The following SUGCT variants were observed in gnomAD, a reference collection of about 807,000 sequenced individuals.
SUGCT encodes the protein succinyl-CoA:glutarate-CoA transferase.
Under a neutral mutation model 55.0 loss-of-function variants are expected in SUGCT, and 41 were observed. That is an observed-to-expected ratio of 0.74 (90% CI 0.58 to 0.97). SUGCT has a LOEUF of 0.97. SUGCT is among the 50% of genes least tolerant of loss of function. SUGCT has a pLI of 0.00. For missense variants in SUGCT, 568 were observed against 547.8 expected (o/e 1.04, Z -0.37); for synonymous variants, 187 against 200.4 (o/e 0.93, Z 0.56).
the SUGCT span, among the ~76,000 whole-genome samples, chr7:40,885,859 G>T: frequency 6.6e-6 from 1 of 152,306 alleles, no homozygotes; most frequent in African/African-American, 2.4e-5. Flanking sequence ...GGGTGGGGAT[G>T]AGAATTTAAG....
At chr7:40,371,744 A>G (rs1319323987) in intron 9 of SUGCT, among the ~76,000 whole-genome samples, 1 of 152,072 alleles carries the variant, frequency 6.6e-6, no homozygotes, top group Non-Finnish European at 1.5e-5. Flanking sequence ...TCACTGTTCA[A>G]TTAGAATTAA....
At chr7:40,947,577 A>G in the SUGCT span, among the ~76,000 whole-genome samples, 2 of 151,994 alleles carry the variant, frequency 1.3e-5, no homozygotes, top group African/African-American at 4.8e-5. Flanking sequence ...ATAATACAGT[A>G]TAGCAATTCT....
intron 12 of SUGCT, among the ~76,000 whole-genome samples, chr7:40,587,146 G>A (rs955752534): frequency 6.6e-6 from 1 of 152,226 alleles, no homozygotes; most frequent in African/African-American, 2.4e-5. Context: ...GTGAAAGGCA[G>A]GGATTAACTA....
chr7:40,757,172 T>C (rs1350415904), intron 13 of SUGCT, among the ~76,000 whole-genome samples: 3 of 152,072 alleles, frequency 2.0e-5, no homozygotes, highest in African/African-American at 7.3e-5. Flanking sequence ...GAGAAATGAA[T>C]AGCACAGTGA....
intron 3 of SUGCT, among the ~76,000 whole-genome samples, chr7:40,187,469 A>C (rs1048415171): frequency 1.3e-5 from 2 of 152,158 alleles, no homozygotes; most frequent in Admixed American, 6.6e-5. Context: ...GGGTCAAATA[A>C]AACATGTCTC....
intron 8 of SUGCT, among the ~76,000 whole-genome samples, chr7:40,296,716 G>C (rs1403283414): frequency 6.6e-6 from 1 of 150,596 alleles, no homozygotes; most frequent in Non-Finnish European, 1.5e-5. Flanking sequence ...TTCCTGTATA[G>C]GCCTCTAGGG....
chr7:40,680,636 A>G (rs552496051), intron 12 of SUGCT, among the ~76,000 whole-genome samples: 1 of 152,320 alleles, frequency 6.6e-6, no homozygotes, highest in South Asian at 2.1e-4. Context: ...ACAGGAGGAA[A>G]AAAATCTCAT....
intron 13 of SUGCT, among the ~76,000 whole-genome samples, chr7:40,847,561 C>T (rs952084728): frequency 1.3e-4 from 20 of 151,786 alleles, no homozygotes; most frequent in African/African-American, 4.4e-4. Flanking sequence ...GCATTATAGG[C>T]GTGCATCACC....
At chr7:40,457,368 C>T (rs530201148) in intron 10 of SUGCT, among the ~76,000 whole-genome samples, 268 of 152,112 alleles carry the variant, frequency 1.8e-3, no homozygotes, top group African/African-American at 6.1e-3. Flanking sequence ...CCCTTGAACC[C>T]GGGAGGTGGA....
the SUGCT span, among the ~76,000 whole-genome samples, chr7:40,904,093 A>G: frequency 2.0e-5 from 3 of 152,156 alleles, no homozygotes; most frequent in Admixed American, 6.5e-5. Flanking sequence ...CGACTTTATT[A>G]TAGCCCCTTT....
At chr7:40,367,166 C>CA (rs1270312790) in intron 9 of SUGCT, among the ~76,000 whole-genome samples, 2 of 147,348 alleles carry the variant, frequency 1.4e-5, no homozygotes, top group East Asian at 2.0e-4. Flanking sequence ...ATCGCAAGGA[C>CA]AAAAAACCAA....
At chr7:40,361,696 G>A (rs1798162725) in intron 9 of SUGCT, among the ~76,000 whole-genome samples, 1 of 152,142 alleles carries the variant, frequency 6.6e-6, no homozygotes, top group South Asian at 2.1e-4. Context: ...GCTTACTGTA[G>A]TGTTTTGGTA....
chr7:40,699,773 G>A (rs943500647), intron 12 of SUGCT, among the ~76,000 whole-genome samples: 1 of 152,114 alleles, frequency 6.6e-6, no homozygotes, highest in African/African-American at 2.4e-5. Context: ...GGAGGCTGAG[G>A]CACGAGGATT....
chr7:40,676,178 C>T (rs540338175), intron 12 of SUGCT, among the ~76,000 whole-genome samples: 2 of 152,228 alleles, frequency 1.3e-5, no homozygotes, highest in African/African-American at 4.8e-5. Flanking sequence ...TCAGTCTTCT[C>T]ATCTAGCAAA....
chr7:40,921,954 C>G, the SUGCT span, among the ~76,000 whole-genome samples: 1 of 152,112 alleles, frequency 6.6e-6, no homozygotes, highest in Non-Finnish European at 1.5e-5. Context: ...TTGCATATAT[C>G]CATAACATGA....
intron 13 of SUGCT, among the ~76,000 whole-genome samples, chr7:40,777,464 A>T (rs560169627): frequency 3.9e-4 from 59 of 150,508 alleles, no homozygotes; most frequent in East Asian, 5.9e-4. Context: ...TTTTTTTTTT[A>T]AAATCAGTTC....
chr7:40,826,785 C>T (rs1442446213), intron 13 of SUGCT, among the ~76,000 whole-genome samples: 2 of 152,144 alleles, frequency 1.3e-5, no homozygotes, highest in East Asian at 3.8e-4. Flanking sequence ...CCTGTATTTC[C>T]ACTGTTAAAA....
At chr7:40,731,587 C>T (rs1786890609) in intron 12 of SUGCT, among the ~76,000 whole-genome samples, 1 of 152,034 alleles carries the variant, frequency 6.6e-6, no homozygotes, top group Admixed American at 6.6e-5. Flanking sequence ...CATGAATCTG[C>T]ATTTACATGG....
intron 1 of SUGCT, among the ~76,000 whole-genome samples, chr7:40,137,509 A>G (rs1022523175): frequency 6.6e-6 from 1 of 152,118 alleles, no homozygotes; most frequent in Non-Finnish European, 1.5e-5. Flanking sequence ...CCATCAACCC[A>G]TTTATCTGTA....
Sources: gnomAD v4.1 joint callset for allele counts (sites outside exome capture counted in the v4.1 genomes callset) on GRCh38, gnomAD v4.1.1 for gene constraint, MANE v1.5 for transcripts, NCBI Gene and HGNC (gene_info 2026-07-23, HGNC 2026-07-21) for gene names.